AGL: variants seen among roughly 807,000 people sequenced by gnomAD.
The protein encoded by AGL is glycogen debranching enzyme.
In AGL, 128 loss-of-function variants were observed where a neutral mutation model predicts 199.3. That is an observed-to-expected ratio of 0.64 (90% CI 0.56 to 0.74). The LOEUF is 0.74. AGL is among the 30% of genes least tolerant of loss of function. The pLI, the probability that AGL is intolerant of heterozygous loss-of-function variation, is 0.00. For missense variants in AGL, 1,809 were observed against 1,820.8 expected (o/e 0.99, Z 0.12); for synonymous variants, 584 against 594.7 (o/e 0.98, Z 0.26).
chr1:99,851,955 A>G (rs543575055), intron 2 of AGL, among the ~76,000 whole-genome samples: 22 of 152,208 alleles, frequency 1.4e-4, no homozygotes, highest in South Asian at 1.0e-3. Flanking sequence ...GCCTTTTTCC[A>G]ACTTTGGCAT....
At position 99,884,402 on chromosome 1, in the gene AGL, C is replaced by A. The variant is rs757870729; in HGVS notation, c.2497C>A (p.Gln833Lys). ...CACAAAAGGGCCCAATGAATATATT[C>A]AAGAAATAGAATTTGAAAACTTGTC... ...VATKGPNEYI[Q>K]EIEFENLSPG... The change falls in exon 19 of 34, where the codon CAA (glutamine) becomes AAA (lysine). Residue 833 changes from glutamine to lysine, a missense_variant. Coordinates refer to ENST00000361915, the MANE Select transcript of AGL (RefSeq NM_000642.3). 52 of 1,611,782 alleles carry A rather than the reference C, an allele frequency of 3.2e-5. 1 individual carries two copies. In the South Asian group the frequency reaches 5.6e-4, roughly 17 times the overall value.
chr1:99,909,264 G>A (rs1419463721), intron 27 of AGL, among the ~76,000 whole-genome samples: 1 of 152,124 alleles, frequency 6.6e-6, no homozygotes, highest in East Asian at 1.9e-4. Context: ...ACCCTGAGCT[G>A]CCTGCTGCCA....
rs746137555 is a variant in AGL at position 99,851,072 on chromosome 1, A to G, written c.30A>G (p.Leu10=). The G allele has an allele frequency of 8.1e-6, 13 of 1,613,992 alleles. No individual in the cohort carries two copies. The highest frequency in any genetic ancestry group is 4.0e-5 in the African/African-American group (3 of 74,932). The change falls in exon 2 of 34, where the codon TTA becomes TTG. Residue 10 remains leucine, a synonymous_variant. Coordinates refer to ENST00000361915, the MANE Select transcript of AGL (RefSeq NM_000642.3). ...GACACAGTAAACAGATTCGAATTTT[A>G]CTTCTGAACGAAATGGAGAAACTGG... is the stretch of plus-strand genomic sequence containing the variant. MGHSKQIRI[L]LLNEMEKLEK... is the part of the protein sequence containing the mutation.
chr1:99,855,981 CAT>C (rs1649384428), intron 2 of AGL, among the ~76,000 whole-genome samples: 1 of 152,066 alleles, frequency 6.6e-6, no homozygotes, highest in Admixed American at 6.5e-5. Context: ...AAAGATAGAA[CAT>C]ATTTATTTAC....
At chr1:99,861,185 G>A (rs1650002059) in intron 2 of AGL, 1 of 1,214,778 alleles carries the variant, frequency 8.2e-7, no homozygotes, top group Admixed American at 4.0e-5. Flanking sequence ...CAGGGGTGAG[G>A]ATGGGGGATC....
In AGL at chr1:99,896,269, T is replaced by C; in HGVS notation, c.3260-17T>C. The C allele has an allele frequency of 1.3e-6, 2 of 1,575,336 alleles. No individual in the cohort carries two copies. Among genetic ancestry groups the C allele is most frequent in the Non-Finnish European group, 1.7e-6 (2 of 1,144,868 alleles). ...TATTATGATTAACATATTACTTTGT[T>C]GTGTTTTTTTTGTTAGGCTTACCTC... On this transcript the variant is annotated splice_polypyrimidine_tract_variant and intron_variant, in intron 24 of 33. Coordinates refer to ENST00000361915, the MANE Select transcript of AGL (RefSeq NM_000642.3).
rs1557779913 is a variant in AGL, at chr1:99,900,672, TG to T, written c.3401del (p.Gly1134ValfsTer39). On this transcript the variant is annotated frameshift_variant, in exon 26 of 34. Coordinates refer to ENST00000361915, the MANE Select transcript of AGL (RefSeq NM_000642.3). LOFTEE classifies it high-confidence loss of function. ...TAGCATTTGCGGGTACCCTGAGGCA[TG>T]GTCTCATTCCTAATCTACTGGGTGA... ...ILAFAGTLRH[G>X]LIPNLLGEGI... is the part of the protein sequence containing the mutation. 6.2e-7 allele frequency: 1 copy of T among 1,614,204 alleles called. No individual in the cohort carries two copies. The highest frequency in any genetic ancestry group is 1.3e-5 in the African/African-American group (1 of 75,052).
intron 29 of AGL, 114 bp from the exon 30 acceptor site, chr1:99,913,413 T>C (rs771049958): frequency 1.3e-5 from 12 of 891,604 alleles, no homozygotes; most frequent in Non-Finnish European, 2.1e-5. Flanking sequence ...CAAAAGTGGA[T>C]AATTTATTGC....
chr1:99,897,846 C>G (rs1372712096), intron 25 of AGL, among the ~76,000 whole-genome samples: 1 of 151,936 alleles, frequency 6.6e-6, no homozygotes, highest in African/African-American at 2.4e-5. Context: ...TGCCACATGC[C>G]TAGAGTAATA....
At chr1:99,889,318 C>T (rs973988223) in intron 21 of AGL, among the ~76,000 whole-genome samples, 1 of 152,144 alleles carries the variant, frequency 6.6e-6, no homozygotes. Flanking sequence ...AGCACGTAAG[C>T]GGTTCTCAAT....
chr1:99,907,693 G>GTTTTTTGTTTTT (rs1553191713), intron 27 of AGL, among the ~76,000 whole-genome samples: 1 of 118,942 alleles, frequency 8.4e-6, no homozygotes. Context: ...TTTGTTTTTT[G>GTTTTTTGTTTTT]TTTTTTTTGC....
intron 5 of AGL, 59 bp from the exon 6 acceptor site, chr1:99,870,341 C>CATAG: frequency 6.6e-7 from 1 of 1,523,276 alleles, no homozygotes. Flanking sequence ...CTAAACTTAA[C>CATAG]ATAGATACAG....
upstream of AGL, among the ~76,000 whole-genome samples, chr1:99,849,870 C>G (rs1181055903): frequency 2.6e-5 from 4 of 152,244 alleles, no homozygotes; most frequent in Non-Finnish European, 4.4e-5. Flanking sequence ...TAGCTCGCAG[C>G]CGGTACCGCG....
intron 4 of AGL, among the ~76,000 whole-genome samples, chr1:99,863,499 G>A (rs905452971): frequency 2.6e-5 from 4 of 152,132 alleles, no homozygotes; most frequent in Middle Eastern, 3.4e-3. Context: ...AATGAAACTT[G>A]TGTTTCATTT....
intron 11 of AGL, 121 bp downstream of exon 11, chr1:99,876,718 A>G: frequency 1.6e-6 from 2 of 1,213,422 alleles, no homozygotes; most frequent in African/African-American, 1.5e-5. Context: ...ATTTCACCAT[A>G]AAGGTACCAG....
intron 2 of AGL, among the ~76,000 whole-genome samples, chr1:99,857,177 T>C (rs146794126): frequency 0.023 from 3,260 of 139,430 alleles, 54 homozygotes; most frequent in South Asian, 0.079. Context: ...CCGGACGGGG[T>C]CGCAGCCGGG....
At position 99,881,685 on chromosome 1, in the gene AGL, A is replaced by T; in HGVS notation, c.2302A>T (p.Ile768Phe). 1 of 1,613,792 alleles carries T rather than the reference A, an allele frequency of 6.2e-7. No individual in the cohort carries two copies. The highest frequency in any genetic ancestry group is 8.5e-7 in the Non-Finnish European group (1 of 1,179,794). The stretch of plus-strand genomic sequence containing the variant: ...CAGCAAGGAAGTGCCTCAAATGTGC[A>T]TCCCTGGTAATGCAATCTAAAAATT... The part of the protein sequence containing the change: ...FYSKEVPQMC[I>F]PGKIEEVVLE... Residue 768 changes from isoleucine to phenylalanine, a missense_variant, in exon 17 of 34, where the codon ATC becomes TTC. Coordinates refer to ENST00000361915, the MANE Select transcript of AGL (RefSeq NM_000642.3).
chr1:99,920,896 G>A (rs1176589547), intron 33 of AGL, among the ~76,000 whole-genome samples: 1 of 152,068 alleles, frequency 6.6e-6, no homozygotes, highest in Non-Finnish European at 1.5e-5. Context: ...TGATAAGGAG[G>A]GCTGGAACAA....
In AGL at chr1:99,913,937, C is replaced by T. The variant is rs572649197; in HGVS notation, c.4161+199C>T. ...CCTGTAACATTCAGTATCCAAAAGC[C>T]GAAAGTAATAGATGATGACTAATGA... On this transcript the variant is annotated intron_variant, in intron 30 of 33. Coordinates refer to ENST00000361915, the MANE Select transcript of AGL (RefSeq NM_000642.3). Among the ~76,000 whole-genome samples, 3 of 152,066 alleles carry T rather than the reference C, an allele frequency of 2.0e-5. No homozygotes were observed. In the East Asian group the frequency reaches 5.8e-4, roughly 29 times the overall value.
Sources: gnomAD v4.1 joint callset for allele counts (sites outside exome capture counted in the v4.1 genomes callset) on GRCh38, gnomAD v4.1.1 for gene constraint, MANE v1.5 for transcripts, NCBI Gene and HGNC (gene_info 2026-07-23, HGNC 2026-07-21) for gene names.